Variants in RAPGEF2 observed in about 807,000 individuals in gnomAD.
RAPGEF2 encodes the protein Rap guanine nucleotide exchange factor 2.
A neutral mutation model predicts 186.7 loss-of-function variants in RAPGEF2; 54 were observed. The observed-to-expected ratio is 0.29, with a 90% CI of 0.23 to 0.36. The LOEUF (loss-of-function observed/expected upper bound fraction) is 0.36, where lower values mean the gene tolerates loss of function less well. Ranked by LOEUF, RAPGEF2 falls within the 10% of genes least tolerant of loss-of-function variation. The pLI, the probability that RAPGEF2 is intolerant of heterozygous loss-of-function variation, is 1.00. For synonymous variants in RAPGEF2, 712 were observed against 705.9 expected, an observed-to-expected ratio of 1.01 and a Z score of -0.14; for missense variants, 1,532 against 2,045.0, an observed-to-expected ratio of 0.75 and a Z score of 4.84.
chr4:159,264,664 G>GT (rs1274253797), intron 7 of RAPGEF2, among the ~76,000 whole-genome samples: 1 of 152,128 alleles, frequency 6.6e-6, no homozygotes, highest in Admixed American at 6.6e-5. Context: ...CATTCCCATT[G>GT]TTTTTGCAAC....
intron 28 of RAPGEF2, 141 bp from the exon 29 acceptor site, chr4:159,355,712 C>T (rs1731876851): frequency 2.6e-6 from 2 of 770,096 alleles, no homozygotes; most frequent in East Asian, 5.4e-5. Flanking sequence ...GCCTGCCTCA[C>T]ACCGCACCTC....
chr4:159,266,597 G>A lies in RAPGEF2; in HGVS notation c.543+22806G>A, dbSNP rs559818280. On this transcript the variant is annotated intron_variant, in intron 7 of 29. Transcript: ENST00000691494. ...GTTTTTTAAAAAAAAAACCTGGGTA[G>A]GTTAATTTTTTATATTATTTGCAAG... Among the ~76,000 whole-genome samples the A allele has an allele frequency of 9.2e-5, 14 of 152,116 alleles. No homozygotes were observed. The South Asian group carries it at 1.2e-3, about 14-fold the overall frequency.
chr4:159,173,491 C>A (rs1746130127), intron 1 of RAPGEF2, among the ~76,000 whole-genome samples: 1 of 152,034 alleles, frequency 6.6e-6, no homozygotes, highest in South Asian at 2.1e-4. Flanking sequence ...GATAGGAGTT[C>A]AGTGGAATGA....
chr4:159,120,844 T>TA (rs1430982294), intron 1 of RAPGEF2, among the ~76,000 whole-genome samples: 1 of 152,100 alleles, frequency 6.6e-6, no homozygotes, highest in Non-Finnish European at 1.5e-5. Flanking sequence ...CTTTTTTTTT[T>TA]AATTTTTAAA....
rs1320237927 is a variant in RAPGEF2, at chr4:159,343,065, A to G, written c.3005A>G (p.Gln1002Arg). Residue 1002 changes from glutamine (Q) to arginine (R), a missense_variant, in exon 21 of 30, where the codon CAA (glutamine) becomes CGA (arginine). Gln to Arg is a conservative substitution (Grantham distance 43). Transcript: ENST00000691494. ...NKYEKLFQDL[Q>R]DLFDPSRNMA... ...TACGAAAAACTATTTCAAGATCTCCAAGACCTGTTTGATCCTTCCAGAAAC... is the reference window on the plus strand; with the variant it reads ...TACGAAAAACTATTTCAAGATCTCCGAGACCTGTTTGATCCTTCCAGAAAC... 1 of 1,614,010 alleles carries G rather than the reference A, an allele frequency of 6.2e-7. No individual in the cohort carries two copies. Among genetic ancestry groups the G allele is most frequent in the African/African-American group, 1.3e-5 (1 of 74,916 alleles).
intron 25 of RAPGEF2, among the ~76,000 whole-genome samples, chr4:159,347,793 AAAG>A (rs1392545872): frequency 1.3e-5 from 2 of 152,212 alleles, no homozygotes; most frequent in East Asian, 3.9e-4. Flanking sequence ...TCAAAAAGAA[AAAG>A]AAGAACATCT....
chr4:159,309,804 C>G (rs1763744208), intron 8 of RAPGEF2, among the ~76,000 whole-genome samples: 1 of 152,014 alleles, frequency 6.6e-6, no homozygotes. Flanking sequence ...ACAGAGAGTT[C>G]AAGCAAAATT....
intron 7 of RAPGEF2, among the ~76,000 whole-genome samples, chr4:159,244,018 A>G (rs994942499): frequency 1.3e-5 from 2 of 151,958 alleles, no homozygotes; most frequent in African/African-American, 4.8e-5. Context: ...CTCAAGTGCA[A>G]GCTACTTATT....
intron 7 of RAPGEF2, among the ~76,000 whole-genome samples, chr4:159,257,229 A>T (rs554715146): frequency 5.9e-5 from 9 of 152,308 alleles, no homozygotes; most frequent in South Asian, 2.1e-4. Flanking sequence ...CACACTGCTG[A>T]TAAAGGCATA....
chr4:159,256,175 CT>C (rs1308607504), intron 7 of RAPGEF2, among the ~76,000 whole-genome samples: 1 of 152,182 alleles, frequency 6.6e-6, no homozygotes, highest in Non-Finnish European at 1.5e-5. Context: ...AACCCATCAC[CT>C]AGGTATTAAG....
intron 1 of RAPGEF2, among the ~76,000 whole-genome samples, chr4:159,104,547 A>T (rs1403455175): frequency 0.021 from 2,729 of 132,164 alleles, 79 homozygotes; most frequent in Non-Finnish European, 0.03. Context: ...AGAGAGAGAG[A>T]GAGAGAGTGT....
rs934047396 is a variant in RAPGEF2, at chr4:159,344,173, C to G, written c.3278+114C>G. 8 of 1,126,536 alleles carry G rather than the reference C, an allele frequency of 7.1e-6. No homozygotes were observed. In the African/African-American group the frequency reaches 1.1e-4, roughly 15 times the overall value. The allele number at this position is 1,126,536 out of a possible 1,614,324, so 69.8% of individuals were successfully genotyped here. A position where few individuals can be genotyped will look rare whatever the true frequency, so the allele number is the denominator to read the frequency against. ...GCATTTTTGCATTTTTTTCCTTAAC[C>G]CTCGTGCTGTAGCAGAATTTCAGAT... On this transcript the variant is annotated intron_variant, in intron 23 of 29. Coordinates refer to ENST00000691494, the MANE Select transcript of RAPGEF2 (RefSeq NM_001394067.2).
chr4:159,134,023 T>C (rs1741422120), intron 1 of RAPGEF2, among the ~76,000 whole-genome samples: 2 of 152,314 alleles, frequency 1.3e-5, no homozygotes, highest in South Asian at 4.1e-4. Context: ...CTGGCAATTC[T>C]GTGAGTTTTA....
At chr4:159,224,407 G>A (rs1240219079) in intron 4 of RAPGEF2, among the ~76,000 whole-genome samples, 2 of 152,178 alleles carry the variant, frequency 1.3e-5, no homozygotes, top group Admixed American at 1.3e-4. Flanking sequence ...GTGCTTGTGG[G>A]ACAGTATATA....
At chr4:159,131,531 T>TGG in intron 1 of RAPGEF2, among the ~76,000 whole-genome samples, 1 of 149,204 alleles carries the variant, frequency 6.7e-6, no homozygotes, top group Admixed American at 6.7e-5. Flanking sequence ...TTTTTTTTTT[T>TGG]TTTTTTTTTT....
intron 3 of RAPGEF2, among the ~76,000 whole-genome samples, chr4:159,196,725 A>C (rs1748691081): frequency 6.6e-6 from 1 of 152,246 alleles, no homozygotes; most frequent in East Asian, 1.9e-4. Flanking sequence ...ACTGTTTGAT[A>C]ATTTACATTT....
At chr4:159,287,081 G>C (rs72699391) in intron 7 of RAPGEF2, among the ~76,000 whole-genome samples, 2,399 of 152,134 alleles carry the variant, frequency 0.016, 32 homozygotes, top group Non-Finnish European at 0.025. Context: ...ATGTCAGTAA[G>C]CTTAGAATTA....
chr4:159,155,509 T>C (rs1380881379), intron 1 of RAPGEF2, among the ~76,000 whole-genome samples: 3 of 138,164 alleles, frequency 2.2e-5, no homozygotes, highest in Non-Finnish European at 3.1e-5. Context: ...AGTTTCCAGG[T>C]AGGGGAACAT....
intron 1 of RAPGEF2, among the ~76,000 whole-genome samples, chr4:159,160,655 T>C (rs932355155): frequency 6.6e-6 from 1 of 152,252 alleles, no homozygotes; most frequent in African/African-American, 2.4e-5. Context: ...CAGTATATCT[T>C]TTTCTGTATG....
Sources: gnomAD v4.1 joint callset for allele counts (sites outside exome capture counted in the v4.1 genomes callset) on GRCh38, gnomAD v4.1.1 for gene constraint, MANE v1.5 for transcripts, NCBI Gene and HGNC (gene_info 2026-07-23, HGNC 2026-07-21) for gene names.